The following PDZD2 variants were observed in gnomAD, a reference collection of about 807,000 sequenced individuals.
The protein encoded by PDZD2 is PDZ domain-containing protein 2.
In PDZD2, 90 loss-of-function variants were observed where a neutral mutation model predicts 220.7. The ratio of observed to expected loss-of-function variants is 0.41; its 90% CI spans 0.34 to 0.49. The LOEUF is 0.49. Among genes scored for constraint, PDZD2 ranks in the 20% least tolerant of loss-of-function variants. PDZD2 has a pLI of 0.28. For missense variants in PDZD2, 3,174 were observed against 3,608.5 expected, an observed-to-expected ratio of 0.88 and a Z score of 3.08; for synonymous variants, 1,375 against 1,450.5, an observed-to-expected ratio of 0.95 and a Z score of 1.18.
At chr5:32,084,348 C>CT (rs1742248227) in intron 19 of PDZD2, among the ~76,000 whole-genome samples, 1 of 152,248 alleles carries the variant, frequency 6.6e-6, no homozygotes, top group Non-Finnish European at 1.5e-5. Context: ...CCTGTGAACT[C>CT]TGACCTCAGA....
intron 2 of PDZD2, chr5:31,854,940 GAGCCGGCGGAGAGC>G (rs1186192547): frequency 2.0e-6 from 2 of 984,708 alleles, no homozygotes; most frequent in South Asian, 9.4e-5. Context: ...CACAGACCTG[GAGCCGGCGGAGAGC>G]AGCCTTCGGG....
At position 32,025,283 on chromosome 5, in the gene PDZD2, T is replaced by C. The variant is rs375358391; in HGVS notation, c.1408-11948T>C. Among the ~76,000 whole-genome samples the C allele has an allele frequency of 7.6e-4, 115 of 152,174 alleles. 1 individual carries two copies. The highest frequency in any genetic ancestry group is 2.6e-3 in the African/African-American group (109 of 41,542). On this transcript the variant is annotated intron_variant, in intron 6 of 24. Coordinates refer to ENST00000438447, the MANE Select transcript of PDZD2 (RefSeq NM_178140.4). ...GCTCACATCTGTAATCCCAGCACTTTGGGAGGCTGAGGAGGGCGGATCACC... is the reference window on the plus strand; with the variant it reads ...GCTCACATCTGTAATCCCAGCACTTCGGGAGGCTGAGGAGGGCGGATCACC...
chr5:31,821,047 C>T (rs906109694), intron 2 of PDZD2, among the ~76,000 whole-genome samples: 2 of 151,840 alleles, frequency 1.3e-5, no homozygotes, highest in South Asian at 2.1e-4. Context: ...AATCTTTTTA[C>T]CCCATGTGGT....
At chr5:31,985,482 G>GC in intron 3 of PDZD2, among the ~76,000 whole-genome samples, 1 of 152,176 alleles carries the variant, frequency 6.6e-6, no homozygotes, top group South Asian at 2.1e-4. Context: ...ATAACTTAAT[G>GC]CCAGGAGTTC....
chr5:31,993,540 C>A (rs998530201), intron 3 of PDZD2, among the ~76,000 whole-genome samples: 1 of 152,178 alleles, frequency 6.6e-6, no homozygotes, highest in African/African-American at 2.4e-5. Flanking sequence ...TTTCTAAATG[C>A]CACACATTCT....
chr5:31,855,482 G>A (rs1261458508), intron 2 of PDZD2, among the ~76,000 whole-genome samples: 1 of 152,264 alleles, frequency 6.6e-6, no homozygotes, highest in East Asian at 1.9e-4. Flanking sequence ...GCCCAGAGGG[G>A]ACAGGTAATA....
At chr5:31,703,983 C>A (rs1747713816) in intron 1 of PDZD2, among the ~76,000 whole-genome samples, 1 of 147,092 alleles carries the variant, frequency 6.8e-6, no homozygotes, top group South Asian at 2.2e-4. Flanking sequence ...CTCTTTCTTT[C>A]CTTTCTTTCC....
intron 6 of PDZD2, among the ~76,000 whole-genome samples, chr5:32,022,428 A>C (rs912039789): frequency 2.7e-5 from 4 of 150,784 alleles, no homozygotes; most frequent in Non-Finnish European, 5.9e-5. Context: ...GCTGATCTCG[A>C]ACTCCTGAGC....
chr5:32,080,224 TG>T (rs1437339154), intron 19 of PDZD2, among the ~76,000 whole-genome samples: 5 of 151,628 alleles, frequency 3.3e-5, no homozygotes, highest in Non-Finnish European at 7.4e-5. Flanking sequence ...GGTGGGCACC[TG>T]TAGTCCCAAC....
intron 2 of PDZD2, among the ~76,000 whole-genome samples, chr5:31,825,532 TCAGA>T (rs1756154917): frequency 1.3e-5 from 2 of 152,272 alleles, no homozygotes; most frequent in African/African-American, 2.4e-5. Flanking sequence ...GGGTGACAAA[TCAGA>T]CAGTCGGTCA....
chr5:31,712,444 G>A (rs394088), intron 1 of PDZD2, among the ~76,000 whole-genome samples: 56,240 of 139,390 alleles, frequency 0.4, 11,215 homozygotes, highest in East Asian at 0.62. Flanking sequence ...TGGGATGGCT[G>A]GGCCTGCCTC....
intron 2 of PDZD2, among the ~76,000 whole-genome samples, chr5:31,812,396 A>G (rs933660311): frequency 6.6e-6 from 1 of 152,154 alleles, no homozygotes; most frequent in Non-Finnish European, 1.5e-5. Flanking sequence ...TGTGTAGTCC[A>G]TGACATATGC....
intron 7 of PDZD2, among the ~76,000 whole-genome samples, chr5:32,040,881 C>T (rs374384867): frequency 2.1e-5 from 3 of 145,044 alleles, no homozygotes; most frequent in East Asian, 2.1e-4. Flanking sequence ...AAGTGAAGAG[C>T]GCCTCTGCCT....
intron 1 of PDZD2, among the ~76,000 whole-genome samples, chr5:31,700,126 C>T (rs187230964): frequency 3.0e-4 from 45 of 152,056 alleles, no homozygotes; most frequent in African/African-American, 1.0e-3. Context: ...AGGCAGAGGC[C>T]GTGGGAATGG....
intron 2 of PDZD2, among the ~76,000 whole-genome samples, chr5:31,858,451 C>T (rs578170060): frequency 6.6e-6 from 1 of 152,282 alleles, no homozygotes; most frequent in South Asian, 2.1e-4. Flanking sequence ...TCCAGGTTGT[C>T]CTGATTCATT....
At chr5:31,860,350 C>T (rs564045511) in intron 2 of PDZD2, among the ~76,000 whole-genome samples, 2 of 152,252 alleles carry the variant, frequency 1.3e-5, no homozygotes, top group East Asian at 3.9e-4. Context: ...GCATAAATCC[C>T]AAACTGGCTT....
intron 2 of PDZD2, among the ~76,000 whole-genome samples, chr5:31,881,366 G>A (rs867106064): frequency 0.01 from 991 of 98,762 alleles, 6 homozygotes; most frequent in African/African-American, 0.045. Flanking sequence ...GTGTGTGTGT[G>A]TGTATATATT....
chr5:31,736,386 G>T (rs1749865255), intron 1 of PDZD2, among the ~76,000 whole-genome samples: 1 of 152,166 alleles, frequency 6.6e-6, no homozygotes, highest in Admixed American at 6.5e-5. Flanking sequence ...CTAGTTTGAT[G>T]CAGGTTTTCT....
At chr5:31,753,893 T>C (rs531023129) in intron 1 of PDZD2, among the ~76,000 whole-genome samples, 34 of 152,338 alleles carry the variant, frequency 2.2e-4, no homozygotes, top group African/African-American at 7.7e-4. Flanking sequence ...ATGCTTCTCC[T>C]ACAAGGAGGA....
Sources: allele counts gnomAD v4.1 joint callset (sites outside exome capture counted in the v4.1 genomes callset), GRCh38; gene constraint gnomAD v4.1.1; transcripts MANE v1.5; gene names NCBI Gene and HGNC (gene_info 2026-07-23, HGNC 2026-07-21).